CEP41: variants seen among roughly 807,000 people sequenced by gnomAD.
CEP41 encodes the protein centrosomal protein of 41 kDa.
In CEP41, 32 loss-of-function variants were observed where a neutral mutation model predicts 44.3. The observed-to-expected ratio is 0.72, with a 90% CI of 0.54 to 0.97. The LOEUF (loss-of-function observed/expected upper bound fraction) is 0.97, where lower values mean the gene tolerates loss of function less well. Among genes scored for constraint, CEP41 ranks in the 50% least tolerant of loss-of-function variants. The probability of loss-of-function intolerance (pLI) is 0.00; values close to 1 mark genes in which losing one functional copy is unlikely to be tolerated. For missense variants in CEP41, 432 were observed against 455.2 expected, an observed-to-expected ratio of 0.95 and a Z score of 0.46; for synonymous variants, 151 against 168.5, an observed-to-expected ratio of 0.90 and a Z score of 0.80.
intron 2 of CEP41, chr7:130,419,958 C>CAT: frequency 2.1e-6 from 2 of 973,566 alleles, no homozygotes; most frequent in Non-Finnish European, 2.4e-6. Flanking sequence ...CGTACACACA[C>CAT]ACACACACAC....
chr7:130,404,626 C>G lies in CEP41; in HGVS notation c.360G>C (p.Pro120=). ...NGKGNPGEQS[P]SPEQFINNAG... ...CGTTGTTTATGAACTGCTCAGGGCT[C>G]GGCGACTGCTCACCTGGATTTCCTT... is the stretch of plus-strand genomic sequence containing the variant. The change falls in exon 6 of 11, where the codon CCG becomes CCC. Residue 120 remains proline (P), a synonymous_variant. Transcript: ENST00000223208. 1.9e-6 allele frequency: 3 copies of G among 1,613,606 alleles called. No individual in the cohort carries two copies. The highest frequency in any genetic ancestry group is 2.5e-6 in the Non-Finnish European group (3 of 1,179,520).
intron 1 of CEP41, among the ~76,000 whole-genome samples, chr7:130,437,728 C>T (rs1167008956): frequency 6.2e-5 from 8 of 129,030 alleles, no homozygotes; most frequent in Non-Finnish European, 1.1e-4. Flanking sequence ...GTTTGTACCA[C>T]TGCACTCCAG....
Position 130,421,997 on chromosome 7 carries a change from C to T in CEP41, c.98-5031G>A, listed in dbSNP as rs782809320. 1.2e-5 allele frequency: 18 copies of T among 1,535,848 alleles called. No individual in the cohort carries two copies. In the South Asian group the frequency reaches 1.9e-4, roughly 16 times the overall value. On this transcript the variant is annotated intron_variant, in intron 2 of 10. Transcript: ENST00000223208. ...GCAGTGCTGGGGAGCTGGTAAGATACACACAGGCACCTATGGAACAAAAGA... is the reference window on the plus strand; with the variant it reads ...GCAGTGCTGGGGAGCTGGTAAGATATACACAGGCACCTATGGAACAAAAGA...
At chr7:130,423,096 G>A (rs1252803001) in intron 2 of CEP41, among the ~76,000 whole-genome samples, 4 of 152,066 alleles carry the variant, frequency 2.6e-5, no homozygotes, top group African/African-American at 4.8e-5. Context: ...ACAGGTGCAC[G>A]CTGCCATGCC....
chr7:130,415,443 G>A lies in CEP41; in HGVS notation c.145+1476C>T, dbSNP rs117926706. Among the ~76,000 whole-genome samples, 113 of 152,324 alleles carry A rather than the reference G, an allele frequency of 7.4e-4. 1 individual carries two copies. In the East Asian group the frequency reaches 0.021, roughly 29 times the overall value. On this transcript the variant is annotated intron_variant, in intron 3 of 10. Coordinates refer to ENST00000223208, the MANE Select transcript of CEP41 (RefSeq NM_018718.3). Reference sequence around the variant, plus strand: ...ATCAGCACAAAGTGTGTGAAATGGGGTAACAGGAATCTCCTGCTCTACTAA... The same window carrying A: ...ATCAGCACAAAGTGTGTGAAATGGGATAACAGGAATCTCCTGCTCTACTAA...
In CEP41 at chr7:130,411,210, A is replaced by G; in HGVS notation, c.208-19T>C. On this transcript the variant is annotated intron_variant, in intron 4 of 10. Transcript: ENST00000223208. ...GGATGATCTGATAGAAAAAAGAATGAAATGTGTGGATGTTTGTTTGTTTTT... is the reference window on the plus strand; with the variant it reads ...GGATGATCTGATAGAAAAAAGAATGGAATGTGTGGATGTTTGTTTGTTTTT... 6.3e-7 allele frequency: 1 copy of G among 1,597,682 alleles called. No individual in the cohort carries two copies. The highest frequency in any genetic ancestry group is 8.6e-7 in the Non-Finnish European group (1 of 1,165,192).
Position 130,400,738 on chromosome 7 carries a change from A to G in CEP41, c.726T>C (p.Arg242=). Residue 242 remains arginine, a synonymous_variant, in exon 9 of 11, where the codon CGT becomes CGC. Transcript: ENST00000223208. ...AAAGCATGAAGAGGTTTTCAAATCCACGCTCGCACATGGTGGTGGCCGCCT... is the reference window on the plus strand; with the variant it reads ...AAAGCATGAAGAGGTTTTCAAATCCGCGCTCGCACATGGTGGTGGCCGCCT... ...ASQAATTMCE[R]GFENLFMLSG... 1 of 1,613,502 alleles carries G rather than the reference A, an allele frequency of 6.2e-7. No individual in the cohort carries two copies. The highest frequency in any genetic ancestry group is 2.2e-5 in the East Asian group (1 of 44,878).
At position 130,398,914 on chromosome 7, in the gene CEP41, G is replaced by A. The variant is rs1248130871; in HGVS notation, c.1099C>T (p.Leu367=). 6.2e-7 allele frequency: 1 copy of A among 1,614,254 alleles called. No homozygotes were observed. Among genetic ancestry groups the A allele is most frequent in the Admixed American group, 1.7e-5 (1 of 60,034 alleles). ...CTTTACTTCCAGGGTTTGCCTTGCAGGTGACCACTGCTGAGGGAGCGGGGG... is the reference window on the plus strand; with the variant it reads ...CTTTACTTCCAGGGTTTGCCTTGCAAGTGACCACTGCTGAGGGAGCGGGGG... ...SNPRSLSSGH[L]QGKPWK Residue 367 remains leucine (L), a synonymous_variant, in exon 11 of 11, where the codon CTG becomes TTG. Transcript: ENST00000223208.
intron 2 of CEP41, among the ~76,000 whole-genome samples, chr7:130,417,666 C>A (rs1357058462): frequency 6.6e-6 from 1 of 152,194 alleles, no homozygotes; most frequent in East Asian, 1.9e-4. Context: ...CAGCCAGGAA[C>A]CTTCTGGTTT....
chr7:130,411,074 G>C, intron 5 of CEP41, 48 bp downstream of exon 5: 1 of 1,522,208 alleles, frequency 6.6e-7, no homozygotes, highest in Non-Finnish European at 9.1e-7. Flanking sequence ...GAGTGTTTCA[G>C]TCAAATGGTC....
intron 1 of CEP41, among the ~76,000 whole-genome samples, chr7:130,437,927 A>C (rs1191456772): frequency 1.4e-4 from 22 of 152,144 alleles, no homozygotes; most frequent in Admixed American, 1.4e-3. Context: ...TTTTAAAACT[A>C]TTTCTTATGA....
chr7:130,432,381 G>T (rs1275619537), intron 1 of CEP41, among the ~76,000 whole-genome samples: 2 of 152,094 alleles, frequency 1.3e-5, no homozygotes, highest in Non-Finnish European at 2.9e-5. Context: ...AAAAAAGGGA[G>T]TTGAGGAAGC....
chr7:130,395,008 T>A lies in CEP41; in HGVS notation c.*3883A>T, dbSNP rs1188168871. The A allele has an allele frequency of 2.6e-5, 12 of 453,962 alleles. No homozygotes were observed. The highest frequency in any genetic ancestry group is 1.2e-4 in the Admixed American group (5 of 42,550). 28.1% of individuals were successfully genotyped at this position (453,962 alleles called of 1,614,324 possible). A position where few individuals can be genotyped will look rare whatever the true frequency, so the allele number is the denominator to read the frequency against. On this transcript the variant is annotated 3_prime_UTR_variant, in exon 11 of 11. Transcript: ENST00000223208. ...GGATCAGCAACAGAGAGGGGAGCCA[T>A]CAGGGGATCACAATGTGACAGACAC... is the stretch of plus-strand genomic sequence containing the variant.
chr7:130,409,393 C>T (rs1797107026), intron 5 of CEP41, among the ~76,000 whole-genome samples: 1 of 152,210 alleles, frequency 6.6e-6, no homozygotes, highest in South Asian at 2.1e-4. Context: ...AATCTAGGTG[C>T]TTATATAACC....
intron 6 of CEP41, among the ~76,000 whole-genome samples, chr7:130,403,552 A>T (rs1796919013): frequency 6.6e-6 from 1 of 152,224 alleles, no homozygotes; most frequent in Admixed American, 6.5e-5. Flanking sequence ...GTTATGAACA[A>T]AATGGCAAGC....
At chr7:130,424,745 GA>G (rs1797610255) in intron 2 of CEP41, among the ~76,000 whole-genome samples, 1 of 151,010 alleles carries the variant, frequency 6.6e-6, no homozygotes, top group Non-Finnish European at 1.5e-5. Flanking sequence ...AAAACTTTTA[GA>G]AAAAAAATCA....
At chr7:130,417,021 C>T in intron 2 of CEP41, 55 bp from the exon 3 acceptor site, 2 of 1,407,302 alleles carry the variant, frequency 1.4e-6, no homozygotes, top group Non-Finnish European at 2.0e-6. Flanking sequence ...AAATGAGTAA[C>T]ACTGTGGAAA....
chr7:130,432,804 T>G (rs1213731121), intron 1 of CEP41, among the ~76,000 whole-genome samples: 1 of 151,602 alleles, frequency 6.6e-6, no homozygotes. Flanking sequence ...GTTGGCTACT[T>G]GCATCTAGAA....
chr7:130,419,216 G>A, intron 2 of CEP41: 1 of 985,388 alleles, frequency 1.0e-6, no homozygotes, highest in Admixed American at 6.1e-5. Flanking sequence ...CCAAATCTGA[G>A]AGGACTACTG....
Sources: allele counts gnomAD v4.1 joint callset (sites outside exome capture counted in the v4.1 genomes callset), GRCh38; gene constraint gnomAD v4.1.1; transcripts MANE v1.5; gene names NCBI Gene and HGNC (gene_info 2026-07-23, HGNC 2026-07-21).